HECTD2: variants seen among roughly 807,000 people sequenced by gnomAD.
HECTD2 encodes the protein probable E3 ubiquitin-protein ligase HECTD2.
HECTD2 carries 35 observed loss-of-function variants against 103.2 expected under a neutral mutation model. The ratio of observed to expected loss-of-function variants is 0.34; its 90% CI spans 0.26 to 0.45. The LOEUF is 0.45. HECTD2 is among the 20% of genes least tolerant of loss of function. HECTD2 has a pLI of 1.00. For synonymous variants in HECTD2, 281 were observed against 329.9 expected (o/e 0.85, Z 1.61); for missense variants, 596 against 937.4 (o/e 0.64, Z 4.76).
chr10:91,454,736 C>G (rs926279990), intron 2 of HECTD2, among the ~76,000 whole-genome samples: 1 of 150,590 alleles, frequency 6.6e-6, no homozygotes, highest in Non-Finnish European at 1.5e-5. Flanking sequence ...TACCCCACAA[C>G]AGGCCCCAGT....
rs1213025544 is a variant in HECTD2 at position 91,419,447 on chromosome 10, AT to A, written c.139-5830del. ...TTGTCTGTTTAAATATCTTGAGATT[AT>A]TTTATATTATAATCTTACATATAAT... On this transcript the variant is annotated intron_variant, in intron 1 of 20. Transcript: ENST00000298068. Among the ~76,000 whole-genome samples the A allele has an allele frequency of 5.3e-5, 8 of 152,306 alleles. No individual in the cohort carries two copies. The South Asian group carries it at 1.7e-3, about 32-fold the overall frequency.
At chr10:91,507,808 C>T (rs1264635612) in intron 20 of HECTD2, among the ~76,000 whole-genome samples, 16 of 120,224 alleles carry the variant, frequency 1.3e-4, no homozygotes, top group Middle Eastern at 3.7e-3. Flanking sequence ...GAGCCCGCAT[C>T]GCCAAGTCAA....
At chr10:91,462,600 A>T (rs1178671123) in intron 5 of HECTD2, 1 of 1,044,362 alleles carries the variant, frequency 9.6e-7, no homozygotes, top group Non-Finnish European at 1.2e-6. Context: ...TTTCATTTGT[A>T]ACAAGTTCCC....
intron 1 of HECTD2, among the ~76,000 whole-genome samples, chr10:91,416,713 A>C (rs1337527386): frequency 6.6e-6 from 1 of 152,246 alleles, no homozygotes; most frequent in East Asian, 1.9e-4. Context: ...TAAGCCAGCC[A>C]GCCCTTTCTC....
intron 2 of HECTD2, among the ~76,000 whole-genome samples, chr10:91,449,764 AC>A (rs1302045071): frequency 6.6e-6 from 1 of 152,030 alleles, no homozygotes; most frequent in Non-Finnish European, 1.5e-5. Flanking sequence ...ATCATGAGTG[AC>A]CCCCATTCAC....
intron 11 of HECTD2, 104 bp from the exon 12 acceptor site, chr10:91,491,094 GAA>G: frequency 1.8e-6 from 1 of 541,866 alleles, no homozygotes; most frequent in Middle Eastern, 4.3e-4. Flanking sequence ...GTTTATATAA[GAA>G]ATGGCATAGA....
At chr10:91,424,475 C>T (rs1003040900) in intron 1 of HECTD2, among the ~76,000 whole-genome samples, 10 of 152,210 alleles carry the variant, frequency 6.6e-5, no homozygotes, top group Admixed American at 5.9e-4. Flanking sequence ...CTACTGTATT[C>T]TCTTAAGCAT....
intron 2 of HECTD2, among the ~76,000 whole-genome samples, chr10:91,449,493 G>A (rs1844698236): frequency 6.6e-6 from 1 of 152,070 alleles, no homozygotes; most frequent in South Asian, 2.1e-4. Flanking sequence ...AGAAGACAAG[G>A]ACGCCCTCTC....
chr10:91,456,298 G>T (rs1253385338), intron 2 of HECTD2, among the ~76,000 whole-genome samples: 1 of 152,154 alleles, frequency 6.6e-6, no homozygotes, highest in African/African-American at 2.4e-5. Flanking sequence ...CACATCCCTT[G>T]TAAGTTGGAT....
intron 2 of HECTD2, among the ~76,000 whole-genome samples, chr10:91,427,826 T>C (rs577959037): frequency 2.5e-4 from 38 of 152,262 alleles, no homozygotes; most frequent in African/African-American, 8.4e-4. Context: ...TTTTGTAGGT[T>C]GCCTGTTCAC....
chr10:91,413,933 A>G (rs982894288), intron 1 of HECTD2, among the ~76,000 whole-genome samples: 1 of 152,200 alleles, frequency 6.6e-6, no homozygotes, highest in Non-Finnish European at 1.5e-5. Flanking sequence ...GAAGTAATGT[A>G]TGGATATGAA....
At chr10:91,457,448 G>A (rs964576727) in intron 2 of HECTD2, among the ~76,000 whole-genome samples, 1 of 151,824 alleles carries the variant, frequency 6.6e-6, no homozygotes, top group Non-Finnish European at 1.5e-5. Context: ...TCAGCAATAT[G>A]TAAAAAGAGT....
chr10:91,418,107 GAATTGAAA>G (rs1413082209), intron 1 of HECTD2, among the ~76,000 whole-genome samples: 1 of 149,814 alleles, frequency 6.7e-6, no homozygotes, highest in Non-Finnish European at 1.5e-5. Flanking sequence ...CAATTCAGCT[GAATTGAAA>G]AAGTCAGTCT....
intron 2 of HECTD2, among the ~76,000 whole-genome samples, chr10:91,454,553 C>T (rs1183323090): frequency 2.0e-5 from 3 of 150,830 alleles, no homozygotes; most frequent in South Asian, 2.1e-4. Flanking sequence ...GTCATGCATA[C>T]GTTAGAAAGG....
At chr10:91,497,581 T>A (rs1846734517) in intron 15 of HECTD2, among the ~76,000 whole-genome samples, 1 of 151,446 alleles carries the variant, frequency 6.6e-6, no homozygotes, top group South Asian at 2.1e-4. Flanking sequence ...AGTGCTGGGA[T>A]TACAGGCATG....
chr10:91,514,505 T>C lies in HECTD2; in HGVS notation c.*2121T>C, dbSNP rs1314997979. ...TTTATTAATTTAAAAAGCTAGAAAA[T>C]TCATGTAGTTACTTTTTTTACATAT... On this transcript the variant is annotated 3_prime_UTR_variant, in exon 21 of 21. Coordinates refer to ENST00000298068, the MANE Select transcript of HECTD2 (RefSeq NM_182765.6). The C allele has an allele frequency of 6.6e-6, 1 of 152,628 alleles. No individual in the cohort carries two copies. Among genetic ancestry groups the C allele is most frequent in the African/African-American group, 2.4e-5 (1 of 41,452 alleles). 9.5% of individuals were successfully genotyped at this position (152,628 alleles called of 1,614,324 possible). A position where few individuals can be genotyped will look rare whatever the true frequency, so the allele number is the denominator to read the frequency against.
Position 91,484,509 on chromosome 10 carries a change from T to C in HECTD2, c.824T>C (p.Leu275Ser). The C allele has an allele frequency of 6.3e-7, 1 of 1,597,446 alleles. No individual in the cohort carries two copies. The highest frequency in any genetic ancestry group is 8.5e-7 in the Non-Finnish European group (1 of 1,175,134). ...AATTATTTTGAAATCTTTACCAGAT[T>C]GTCCCAGAAGAGGTTCAAACAATTG... ...HHFLVHWFKKLSQKRFKQLVE... is the reference protein window; with the variant it reads ...HHFLVHWFKKSSQKRFKQLVE... Residue 275 changes from leucine (L) to serine (S), a missense_variant and splice_region_variant, in exon 9 of 21, where the codon TTG becomes TCG. Transcript: ENST00000298068.
At chr10:91,435,397 A>G (rs1220767354) in intron 2 of HECTD2, among the ~76,000 whole-genome samples, 1 of 152,022 alleles carries the variant, frequency 6.6e-6, no homozygotes, top group Non-Finnish European at 1.5e-5. Context: ...CAGCTGAGTC[A>G]GCAGAGAAAG....
At chr10:91,470,935 C>G (rs1845700815) in intron 5 of HECTD2, among the ~76,000 whole-genome samples, 2 of 152,068 alleles carry the variant, frequency 1.3e-5, no homozygotes, top group Admixed American at 1.3e-4. Flanking sequence ...TTTTGTGAGG[C>G]CAGCATCATC....
Sources: gnomAD v4.1 joint callset for allele counts (sites outside exome capture counted in the v4.1 genomes callset) on GRCh38, gnomAD v4.1.1 for gene constraint, MANE v1.5 for transcripts, NCBI Gene and HGNC (gene_info 2026-07-23, HGNC 2026-07-21) for gene names.